Variants in EPN2 observed in about 807,000 individuals in gnomAD.
EPN2 encodes the protein epsin 2.
A neutral mutation model predicts 61.7 loss-of-function variants in EPN2; 34 were observed. That is an observed-to-expected ratio of 0.55 (90% CI 0.42 to 0.73). The LOEUF (loss-of-function observed/expected upper bound fraction) is 0.73, where lower values mean the gene tolerates loss of function less well. Among genes scored for constraint, EPN2 ranks in the 30% least tolerant of loss-of-function variants. The pLI is 0.00. For synonymous variants in EPN2, 349 were observed against 353.6 expected (o/e 0.99, Z 0.15); for missense variants, 714 against 839.2 (o/e 0.85, Z 1.84).
At chr17:19,249,870 AC>A (rs2044994880) in intron 1 of EPN2, among the ~76,000 whole-genome samples, 1 of 150,764 alleles carries the variant, frequency 6.6e-6, no homozygotes, top group Non-Finnish European at 1.5e-5. Context: ...CTGGGGGGGA[AC>A]CCGTTTTCTC....
intron 8 of EPN2, 61 bp downstream of exon 8, chr17:19,328,948 C>T (rs760571021): frequency 1.8e-5 from 27 of 1,465,382 alleles, no homozygotes; most frequent in African/African-American, 9.8e-5. Context: ...GCCCTGCAGC[C>T]GCTCCTGGCT....
rs1316756209 is a variant in EPN2 at position 19,336,673 on chromosome 17, T to TA, written c.*2420dup. ...GTTTTGAACTTGTGTTGACTGTTGA[T>TA]ACTTATTTACTGTATAAATATAATT... On this transcript the variant is annotated 3_prime_UTR_variant, in exon 11 of 11. Coordinates refer to ENST00000314728, the MANE Select transcript of EPN2 (RefSeq NM_014964.5). 2 of 152,638 alleles carry TA rather than the reference T, an allele frequency of 1.3e-5. No individual in the cohort carries two copies. Among genetic ancestry groups the TA allele is most frequent in the Non-Finnish European group, 2.9e-5 (2 of 68,064 alleles). 9.5% of individuals were successfully genotyped at this position (152,638 alleles called of 1,614,324 possible). A position where few individuals can be genotyped will look rare whatever the true frequency, so the allele number is the denominator to read the frequency against.
At chr17:19,319,445 C>A (rs1906547006) in intron 7 of EPN2, among the ~76,000 whole-genome samples, 1 of 151,632 alleles carries the variant, frequency 6.6e-6, no homozygotes, top group Admixed American at 6.6e-5. Flanking sequence ...CTGACTCAGC[C>A]TCAGCCTCCC....
Position 19,329,367 on chromosome 17 carries a change from CCTGT to C in EPN2, c.1325-191_1325-188del, listed in dbSNP as rs930735371. 5.0e-5 allele frequency: 27 copies of C among 540,992 alleles called. No homozygotes were observed. The African/African-American group carries it at 5.2e-4, about 10-fold the overall frequency. The allele number at this position is 540,992 out of a possible 1,614,324, so 33.5% of individuals were successfully genotyped here. The stretch of plus-strand genomic sequence containing the variant: ...CACCCTGTCCTGGGAGGCCAGGCTC[CCTGT>C]CTCCCCTCCCAGCGTGCTGGTGACC... On this transcript the variant is annotated intron_variant, in intron 8 of 10. Coordinates refer to ENST00000314728, the MANE Select transcript of EPN2 (RefSeq NM_014964.5).
chr17:19,243,344 A>T, intron 1 of EPN2, among the ~76,000 whole-genome samples: 1 of 134,810 alleles, frequency 7.4e-6, no homozygotes, highest in African/African-American at 2.8e-5. Context: ...CAGCTTCCTG[A>T]GTAGCTGGGA....
At chr17:19,276,568 T>C (rs1220763648) in intron 1 of EPN2, 2 of 151,876 alleles carry the variant, frequency 1.3e-5, no homozygotes, top group Non-Finnish European at 2.9e-5. Context: ...CCTTGAATAA[T>C]GAATCTCACT....
rs973449432 is a variant in EPN2 at position 19,237,519 on chromosome 17, C to T, written c.-306C>T. 6.6e-6 allele frequency: 1 copy of T among 152,308 alleles called. No individual in the cohort carries two copies. The highest frequency in any genetic ancestry group is 2.1e-4 in the South Asian group (1 of 4,832). The allele number at this position is 152,308 out of a possible 1,614,324, so 9.4% of individuals were successfully genotyped here. On this transcript the variant is annotated 5_prime_UTR_variant, in exon 1 of 11. Coordinates refer to ENST00000314728, the MANE Select transcript of EPN2 (RefSeq NM_014964.5). ...CCGCAGCGGCGCACCCACGCCGGCCCGGAGGAGCAGAGGTGAGCCACAGCC... is the reference window on the plus strand; with the variant it reads ...CCGCAGCGGCGCACCCACGCCGGCCTGGAGGAGCAGAGGTGAGCCACAGCC...
At chr17:19,308,270 TA>T in intron 4 of EPN2, 1 of 703,664 alleles carries the variant, frequency 1.4e-6, no homozygotes, top group Non-Finnish European at 1.7e-6. Flanking sequence ...GACCGGGTTT[TA>T]CCATTTTGGC....
In EPN2 at chr17:19,328,713, A is replaced by T. The variant is rs761144584; in HGVS notation, c.1150A>T (p.Thr384Ser). Reference sequence around the variant, plus strand: ...GCCCTGACCCTGCCTTCCAACAGGTACCAAGCCAGCTGCCTCCATTGACCC... The same window carrying T: ...GCCCTGACCCTGCCTTCCAACAGGTTCCAAGCCAGCTGCCTCCATTGACCC... ...STSDPWPSFG[T>S]KPAASIDPWG... Residue 384 changes from threonine (T) to serine (S), a missense_variant and splice_region_variant, in exon 8 of 11, where the codon ACC becomes TCC. Physicochemically the swap from Thr to Ser is moderately conservative, Grantham distance 58. Coordinates refer to ENST00000314728, the MANE Select transcript of EPN2 (RefSeq NM_014964.5). The T allele has an allele frequency of 4.7e-5, 75 of 1,605,230 alleles. No homozygotes were observed. The highest frequency in any genetic ancestry group is 5.4e-5 in the Non-Finnish European group (64 of 1,174,624).
At chr17:19,329,448 TA>T in intron 8 of EPN2, 112 bp from the exon 9 acceptor site, 1 of 653,088 alleles carries the variant, frequency 1.5e-6, no homozygotes. Context: ...TGAGGTAGGG[TA>T]AGCGGGGAGA....
intron 9 of EPN2, among the ~76,000 whole-genome samples, chr17:19,330,956 C>T (rs1032301796): frequency 2.0e-5 from 3 of 152,176 alleles, no homozygotes; most frequent in Admixed American, 1.3e-4. Context: ...GAGCCTTGAT[C>T]GATCGCCCAG....
At chr17:19,309,272 A>G (rs1906003697) in intron 4 of EPN2, among the ~76,000 whole-genome samples, 1 of 151,602 alleles carries the variant, frequency 6.6e-6, no homozygotes, top group South Asian at 2.1e-4. Flanking sequence ...CTGGGATTAT[A>G]GGCACACGCC....
Position 19,237,415 on chromosome 17 carries a change from T to A in EPN2, c.-410T>A, listed in dbSNP as rs2044825085. ...GCCGCCATGTTGGCTGGTGTGTGGG[T>A]GTCAAACTGAGCCAGACGCGGCGGT... On this transcript the variant is annotated 5_prime_UTR_variant, in exon 1 of 11. Transcript: ENST00000314728. 4.0e-5 allele frequency: 6 copies of A among 151,728 alleles called. No individual in the cohort carries two copies. The highest frequency in any genetic ancestry group is 8.8e-5 in the Non-Finnish European group (6 of 67,934). 9.4% of individuals were successfully genotyped at this position (151,728 alleles called of 1,614,324 possible).
chr17:19,320,636 G>A (rs1198738680), intron 7 of EPN2, among the ~76,000 whole-genome samples: 1 of 152,206 alleles, frequency 6.6e-6, no homozygotes, highest in Non-Finnish European at 1.5e-5. Context: ...AGCTTCCCAA[G>A]AAGAACCATG....
chr17:19,274,866 AT>A (rs34889991), intron 1 of EPN2, among the ~76,000 whole-genome samples: 66,577 of 151,628 alleles, frequency 0.44, 21,416 homozygotes, highest in East Asian at 0.99. Flanking sequence ...AGCCTTGGAA[AT>A]TTTTTTTTCC....
chr17:19,284,838 C>A (rs2045389455), intron 3 of EPN2, among the ~76,000 whole-genome samples: 1 of 152,208 alleles, frequency 6.6e-6, no homozygotes, highest in Non-Finnish European at 1.5e-5. Context: ...TCTAGGAATT[C>A]TGAATTATTA....
chr17:19,311,302 A>G (rs992153008), intron 5 of EPN2, among the ~76,000 whole-genome samples: 2 of 152,132 alleles, frequency 1.3e-5, no homozygotes, highest in Non-Finnish European at 2.9e-5. Flanking sequence ...ACTGAGAAAC[A>G]TAGGGACAGA....
chr17:19,287,455 C>G (rs1413582111), intron 4 of EPN2, among the ~76,000 whole-genome samples: 1 of 152,108 alleles, frequency 6.6e-6, no homozygotes, highest in Non-Finnish European at 1.5e-5. Flanking sequence ...ACATCTCACT[C>G]CCTCCCCGTC....
intron 1 of EPN2, among the ~76,000 whole-genome samples, chr17:19,256,180 G>C (rs1283091290): frequency 3.3e-5 from 5 of 151,988 alleles, no homozygotes; most frequent in African/African-American, 7.2e-5. Flanking sequence ...CTCGTGATTT[G>C]CCCACCTTGG....
Sources: gnomAD v4.1 joint callset for allele counts (sites outside exome capture counted in the v4.1 genomes callset) on GRCh38, gnomAD v4.1.1 for gene constraint, MANE v1.5 for transcripts, NCBI Gene and HGNC (gene_info 2026-07-23, HGNC 2026-07-21) for gene names.